DNAAF11: variants seen among roughly 807,000 people sequenced by gnomAD.
DNAAF11 encodes the protein dynein axonemal assembly factor 11.
In DNAAF11, 45 loss-of-function variants were observed where a neutral mutation model predicts 60.8. The ratio of observed to expected loss-of-function variants is 0.74; its 90% CI spans 0.58 to 0.95. DNAAF11 has a LOEUF of 0.95. Among genes scored for constraint, DNAAF11 ranks in the 40% least tolerant of loss-of-function variants. The pLI is 0.00. For synonymous variants in DNAAF11, 191 were observed against 183.5 expected (o/e 1.04, Z -0.33); for missense variants, 546 against 546.2 (o/e 1.00, Z 0.00).
intron 10 of DNAAF11, among the ~76,000 whole-genome samples, chr8:132,609,246 A>G (rs1818413451): frequency 1.3e-5 from 2 of 152,134 alleles, no homozygotes; most frequent in Non-Finnish European, 2.9e-5. Context: ...TATATAACCC[A>G]CAAACATCTG....
At chr8:132,670,531 T>C (rs1430845238) in intron 1 of DNAAF11, among the ~76,000 whole-genome samples, 1 of 152,178 alleles carries the variant, frequency 6.6e-6, no homozygotes, top group Non-Finnish European at 1.5e-5. Flanking sequence ...TGATTAATTC[T>C]ACCAAAAACT....
chr8:132,687,522 A>T, the DNAAF11 span: 1 of 444,136 alleles, frequency 2.3e-6, no homozygotes, highest in Non-Finnish European at 4.5e-6. Context: ...TCATCGCTTC[A>T]GACAGACAGC....
At chr8:132,695,314 C>A in the DNAAF11 span, among the ~76,000 whole-genome samples, 1 of 152,224 alleles carries the variant, frequency 6.6e-6, no homozygotes, top group East Asian at 1.9e-4. Flanking sequence ...TATTACAACA[C>A]GCTGGCATGC....
chr8:132,599,433 C>A (rs11987665), intron 10 of DNAAF11, among the ~76,000 whole-genome samples: 8,465 of 152,212 alleles, frequency 0.056, 597 homozygotes, highest in African/African-American at 0.16. Context: ...ATGAGGCCAG[C>A]ATCATCCTGA....
intron 3 of DNAAF11, among the ~76,000 whole-genome samples, chr8:132,643,001 C>A (rs1586669871): frequency 6.6e-6 from 1 of 152,312 alleles, no homozygotes; most frequent in East Asian, 1.9e-4. Context: ...GATCATCAGG[C>A]ATTAGTTCTC....
At chr8:132,686,929 T>C in the DNAAF11 span, among the ~76,000 whole-genome samples, 1,544 of 152,324 alleles carry the variant, frequency 0.01, 28 homozygotes, top group African/African-American at 0.035. Flanking sequence ...TGATCACATT[T>C]GGCTTATTAA....
intron 10 of DNAAF11, among the ~76,000 whole-genome samples, chr8:132,590,918 T>G (rs888335707): frequency 6.6e-6 from 1 of 152,232 alleles, no homozygotes; most frequent in Non-Finnish European, 1.5e-5. Context: ...CAAAATTATA[T>G]ACTTTGATCT....
intron 7 of DNAAF11, among the ~76,000 whole-genome samples, chr8:132,616,930 C>A (rs1819221002): frequency 6.6e-6 from 1 of 152,114 alleles, no homozygotes; most frequent in Admixed American, 6.5e-5. Flanking sequence ...ACCGCTCAAT[C>A]TAGGCTAATT....
intron 7 of DNAAF11, among the ~76,000 whole-genome samples, chr8:132,621,909 G>A (rs935681031): frequency 6.6e-6 from 1 of 152,136 alleles, no homozygotes; most frequent in Admixed American, 6.5e-5. Flanking sequence ...ATGATGCCCA[G>A]GAATAATTCA....
intron 1 of DNAAF11, among the ~76,000 whole-genome samples, chr8:132,667,583 A>G (rs540533441): frequency 5.9e-5 from 9 of 152,354 alleles, no homozygotes; most frequent in Admixed American, 1.3e-4. Flanking sequence ...GAAATTTCAA[A>G]CAGCAAAATA....
chr8:132,574,669 T>C (rs1814552528), intron 11 of DNAAF11, among the ~76,000 whole-genome samples: 1 of 152,262 alleles, frequency 6.6e-6, no homozygotes, highest in Non-Finnish European at 1.5e-5. Flanking sequence ...AGTGTGATTA[T>C]ATGCTGAGTC....
chr8:132,614,411 C>T (rs187006930), intron 8 of DNAAF11, among the ~76,000 whole-genome samples: 1 of 152,162 alleles, frequency 6.6e-6, no homozygotes, highest in Admixed American at 6.5e-5. Context: ...GGCAGAGTGA[C>T]CTGCTGCCTT....
chr8:132,643,200 G>C (rs1040131297), intron 3 of DNAAF11, among the ~76,000 whole-genome samples: 2 of 152,222 alleles, frequency 1.3e-5, no homozygotes, highest in African/African-American at 2.4e-5. Flanking sequence ...TCTACCCAGG[G>C]TTTGGGGACC....
chr8:132,597,559 A>G (rs1283727853), intron 10 of DNAAF11, among the ~76,000 whole-genome samples: 1 of 152,224 alleles, frequency 6.6e-6, no homozygotes, highest in East Asian at 1.9e-4. Context: ...TATTTAAGTG[A>G]CATTTGTTTA....
chr8:132,644,555 CA>C (rs1463078307), intron 3 of DNAAF11, among the ~76,000 whole-genome samples: 3 of 152,250 alleles, frequency 2.0e-5, no homozygotes, highest in African/African-American at 7.2e-5. Context: ...TCAGGAAGCA[CA>C]AGGGGTCAGG....
At chr8:132,621,554 G>A (rs543611678) in intron 7 of DNAAF11, among the ~76,000 whole-genome samples, 1 of 152,236 alleles carries the variant, frequency 6.6e-6, no homozygotes, top group African/African-American at 2.4e-5. Context: ...GACACATGGA[G>A]TTCCGAGAGT....
intron 5 of DNAAF11, among the ~76,000 whole-genome samples, chr8:132,632,150 AATT>A (rs1451043927): frequency 1.3e-5 from 2 of 152,128 alleles, no homozygotes; most frequent in Non-Finnish European, 2.9e-5. Context: ...AATATTTTAT[AATT>A]ATTATTTTCT....
intron 10 of DNAAF11, among the ~76,000 whole-genome samples, chr8:132,593,785 C>A (rs957677035): frequency 6.6e-6 from 1 of 151,846 alleles, no homozygotes; most frequent in Middle Eastern, 3.4e-3. Flanking sequence ...ACAAAGGTGC[C>A]GAAGCAACTC....
rs60252676 is a variant in DNAAF11 at position 132,656,934 on chromosome 8, ATAAT to A, written c.179-31_179-28del. ...TGAAATACAAGATAATGTAGTTAAGATAATTAATCTTCAAAATAAAGACACTTTT... is the reference window on the plus strand; with the variant it reads ...TGAAATACAAGATAATGTAGTTAAGATAATCTTCAAAATAAAGACACTTTT... On this transcript the variant is annotated intron_variant, in intron 2 of 11. Transcript: ENST00000620350. 56,384 of 820,334 alleles carry A rather than the reference ATAAT, an allele frequency of 0.069. 2,517 individuals are homozygous for A. The highest frequency in any genetic ancestry group is 0.087 in the South Asian group (5,443 of 62,768). The allele number at this position is 820,334 out of a possible 1,614,324, so 50.8% of individuals were successfully genotyped here. A position where few individuals can be genotyped will look rare whatever the true frequency, so the allele number is the denominator to read the frequency against.
Sources: allele counts gnomAD v4.1 joint callset (sites outside exome capture counted in the v4.1 genomes callset), GRCh38; gene constraint gnomAD v4.1.1; transcripts MANE v1.5; gene names NCBI Gene and HGNC (gene_info 2026-07-23, HGNC 2026-07-21).